KDM2A: variants seen among roughly 807,000 people sequenced by gnomAD.
KDM2A encodes lysine demethylase 2A.
In KDM2A, 3 loss-of-function variants were observed where a neutral mutation model predicts 137.3. The observed-to-expected ratio is 0.02, with a 90% CI of 0.01 to 0.06. KDM2A has a LOEUF of 0.06. Ranked by LOEUF, KDM2A falls within the 10% of genes least tolerant of loss-of-function variation. The pLI is 1.00. For synonymous variants in KDM2A, 512 were observed against 541.5 expected, an observed-to-expected ratio of 0.95 and a Z score of 0.76; for missense variants, 738 against 1,510.6, an observed-to-expected ratio of 0.49 and a Z score of 8.48.
Position 67,250,589 on chromosome 11 carries a change from G to A in KDM2A, c.2559G>A (p.Leu853=), listed in dbSNP as rs1406364769. 1 of 1,612,822 alleles carries A rather than the reference G, an allele frequency of 6.2e-7. No individual in the cohort carries two copies. Among genetic ancestry groups the A allele is most frequent in the Non-Finnish European group, 8.5e-7 (1 of 1,179,212 alleles). Residue 853 remains leucine, a synonymous_variant, in exon 17 of 21, where the codon CTG becomes CTA. Coordinates refer to ENST00000529006, the MANE Select transcript of KDM2A (RefSeq NM_012308.3). This position sits in a 1 kb window ranked among gnomAD's most constrained non-coding sequence, Gnocchi z 7.1. ...CCCAGCGTGGGGATGAGGAGGGGCTGGGGGGAGAGGAGGAGGAAGAGGAGG... is the reference window on the plus strand; with the variant it reads ...CCCAGCGTGGGGATGAGGAGGGGCTAGGGGGAGAGGAGGAGGAAGAGGAGG... ...RTPQRGDEEG[L]GGEEEEEEEE...
chr11:67,224,832 T>A (rs902080579), intron 10 of KDM2A, among the ~76,000 whole-genome samples: 9 of 121,842 alleles, frequency 7.4e-5, no homozygotes, highest in Admixed American at 4.7e-4. Context: ...TGCAGCATTT[T>A]TTTTTTTTTT....
intron 2 of KDM2A, among the ~76,000 whole-genome samples, chr11:67,144,448 C>G (rs1439029154): frequency 1.3e-5 from 2 of 151,768 alleles, no homozygotes; most frequent in Admixed American, 6.6e-5. Context: ...GTTGGGGTTT[C>G]TCCATGTTGG....
At chr11:67,232,674 G>C (rs1858750389) in intron 12 of KDM2A, among the ~76,000 whole-genome samples, 1 of 147,868 alleles carries the variant, frequency 6.8e-6, no homozygotes, top group African/African-American at 2.5e-5. Flanking sequence ...AAGGAATCCA[G>C]ACTTGAGCTT....
chr11:67,254,501 C>T lies in KDM2A; in HGVS notation c.3307+83C>T, dbSNP rs1273022496. ...AACTTGATCAGTAAACCAGAATGAC[C>T]TTGGGTCTGTTGATTGACCCACATC... On this transcript the variant is annotated intron_variant, in intron 20 of 20. Coordinates refer to ENST00000529006, the MANE Select transcript of KDM2A (RefSeq NM_012308.3). The surrounding 1 kb of genome is among the most constrained non-coding windows in gnomAD (Gnocchi z 4.7). The T allele has an allele frequency of 8.2e-7, 1 of 1,215,244 alleles. No homozygotes were observed. The highest frequency in any genetic ancestry group is 1.2e-6 in the Non-Finnish European group (1 of 827,864). 75.3% of individuals were successfully genotyped at this position (1,215,244 alleles called of 1,614,324 possible).
chr11:67,126,503 T>C (rs1185618362), intron 2 of KDM2A, among the ~76,000 whole-genome samples: 1 of 151,696 alleles, frequency 6.6e-6, no homozygotes, highest in Non-Finnish European at 1.5e-5. Context: ...AGGTCAGCAG[T>C]TTGAGACCAG....
chr11:67,246,263 C>G (rs1859200341), intron 15 of KDM2A, 147 bp downstream of exon 15: 1 of 855,530 alleles, frequency 1.2e-6, no homozygotes, highest in Admixed American at 2.0e-5. Flanking sequence ...AACATCAGCC[C>G]TTGATTCATA....
chr11:67,129,514 C>A (rs988248325), intron 2 of KDM2A, among the ~76,000 whole-genome samples: 1 of 152,046 alleles, frequency 6.6e-6, no homozygotes, highest in Non-Finnish European at 1.5e-5. Context: ...GCGGGCGGAT[C>A]ACAAGGTCAG....
In KDM2A at chr11:67,246,107, C is replaced by T; in HGVS notation, c.1956C>T (p.Gly652=). The change falls in exon 15 of 21, where the codon GGC becomes GGT. Residue 652 remains glycine (G), a synonymous_variant. Coordinates refer to ENST00000529006, the MANE Select transcript of KDM2A (RefSeq NM_012308.3). Reference sequence around the variant, plus strand: ...TCTGCAATGAGATTGTTCATCCTGGCTGCCTCCAGGTGAGGAGAGCTATGA... The same window carrying T: ...TCTGCAATGAGATTGTTCATCCTGGTTGCCTCCAGGTGAGGAGAGCTATGA... ...CCICNEIVHP[G]CLQMDGEGLL... is the part of the protein sequence containing the mutation. The T allele has an allele frequency of 6.2e-7, 1 of 1,613,868 alleles. No individual in the cohort carries two copies. The highest frequency in any genetic ancestry group is 8.5e-7 in the Non-Finnish European group (1 of 1,179,800).
intron 12 of KDM2A, among the ~76,000 whole-genome samples, chr11:67,236,802 T>A (rs1398603932): frequency 6.6e-6 from 1 of 152,192 alleles, no homozygotes; most frequent in African/African-American, 2.4e-5. Context: ...TCTATGAAAT[T>A]CACTTATTCC....
chr11:67,217,585 T>G, intron 8 of KDM2A, 146 bp from the exon 9 acceptor site: 1 of 708,092 alleles, frequency 1.4e-6, no homozygotes, highest in Non-Finnish European at 2.4e-6. Context: ...TTCTAGGGTT[T>G]ACCACATAGT....
At chr11:67,193,732 G>A (rs952069082) in intron 5 of KDM2A, among the ~76,000 whole-genome samples, 1 of 152,010 alleles carries the variant, frequency 6.6e-6, no homozygotes, top group African/African-American at 2.4e-5. Flanking sequence ...ATGGTGGCAG[G>A]CGCCTCTACT....
In KDM2A at chr11:67,254,803, C is replaced by A; in HGVS notation, c.3308-71C>A. Reference sequence around the variant, plus strand: ...GTTTAGCATTTTGAAGGAAAGACGGCTACAGGAATTGAATGGCAGAGGAAA... The same window carrying A: ...GTTTAGCATTTTGAAGGAAAGACGGATACAGGAATTGAATGGCAGAGGAAA... On this transcript the variant is annotated intron_variant, in intron 20 of 20. Transcript: ENST00000529006. The surrounding 1 kb of genome is among the most constrained non-coding windows in gnomAD (Gnocchi z 4.7). The A allele has an allele frequency of 7.2e-7, 1 of 1,389,730 alleles. No individual in the cohort carries two copies. Among genetic ancestry groups the A allele is most frequent in the South Asian group, 1.2e-5 (1 of 80,920 alleles). The allele number at this position is 1,389,730 out of a possible 1,614,324, so 86.1% of individuals were successfully genotyped here.
At chr11:67,220,161 G>A (rs1017208910) in intron 10 of KDM2A, among the ~76,000 whole-genome samples, 2 of 151,858 alleles carry the variant, frequency 1.3e-5, no homozygotes, top group South Asian at 4.2e-4. Context: ...ACAGGCACAC[G>A]CCACCACATG....
chr11:67,145,296 C>A (rs1856217806), intron 2 of KDM2A, among the ~76,000 whole-genome samples: 1 of 151,396 alleles, frequency 6.6e-6, no homozygotes, highest in South Asian at 2.1e-4. Context: ...ACCAGTCTGG[C>A]CAACATGGTG....
chr11:67,204,347 C>G (rs1018758804), intron 5 of KDM2A, among the ~76,000 whole-genome samples: 2 of 152,094 alleles, frequency 1.3e-5, no homozygotes, highest in African/African-American at 4.8e-5. Context: ...AGCAGTCATT[C>G]TCCGTTTTCT....
chr11:67,185,797 T>C (rs944202859), intron 5 of KDM2A, among the ~76,000 whole-genome samples: 1 of 152,072 alleles, frequency 6.6e-6, no homozygotes, highest in African/African-American at 2.4e-5. Flanking sequence ...GTTCGGCCCC[T>C]TCGTGCTTTC....
intron 10 of KDM2A, 21 bp downstream of exon 10, chr11:67,219,424 G>C (rs760790573): frequency 7.2e-7 from 1 of 1,387,526 alleles, no homozygotes; most frequent in East Asian, 2.4e-5. Flanking sequence ...TTATGTAACA[G>C]TTGCATGTGA....
rs535242255 is a variant in KDM2A at position 67,204,192 on chromosome 11, C to T, written c.308-3318C>T. ...ATAAAGTTTACCATCATAACCATTA[C>T]GTTTTTTTCTTTTTGCATAGAACAT... On this transcript the variant is annotated intron_variant, in intron 5 of 20. Coordinates refer to ENST00000529006, the MANE Select transcript of KDM2A (RefSeq NM_012308.3). Among the ~76,000 whole-genome samples the T allele has an allele frequency of 3.4e-4, 52 of 152,268 alleles. No homozygotes were observed. In the East Asian group the frequency reaches 8.5e-3, roughly 25 times the overall value.
At position 67,255,663 on chromosome 11, in the gene KDM2A, C is replaced by G. The variant is rs1191328146; in HGVS notation, c.*608C>G. 2.3e-6 allele frequency: 1 copy of G among 438,268 alleles called. No individual in the cohort carries two copies. The highest frequency in any genetic ancestry group is 2.0e-5 in the African/African-American group (1 of 49,632). 27.1% of individuals were successfully genotyped at this position (438,268 alleles called of 1,614,324 possible). ...CCTCTCCCTTGAGCTTGGTTCTGCCCAGCACTCGTGCTTGTTCACATAATT... is the reference window on the plus strand; with the variant it reads ...CCTCTCCCTTGAGCTTGGTTCTGCCGAGCACTCGTGCTTGTTCACATAATT... On this transcript the variant is annotated 3_prime_UTR_variant, in exon 21 of 21. Transcript: ENST00000529006.
Sources: allele counts gnomAD v4.1 joint callset (sites outside exome capture counted in the v4.1 genomes callset), GRCh38; gene constraint gnomAD v4.1.1; non-coding constraint Gnocchi (gnomAD v3.1); transcripts MANE v1.5; gene names NCBI Gene and HGNC (gene_info 2026-07-23, HGNC 2026-07-21).